Variants in CFAP20DC observed in about 807,000 individuals in gnomAD.
CFAP20DC encodes the protein protein CFAP20DC.
A neutral mutation model predicts 101.7 loss-of-function variants in CFAP20DC; 84 were observed. The ratio of observed to expected loss-of-function variants is 0.83; its 90% CI spans 0.69 to 0.99. The LOEUF is 0.99. Ranked by LOEUF, CFAP20DC falls within the 50% of genes least tolerant of loss-of-function variation. The pLI is 0.00. For missense variants in CFAP20DC, 1,007 were observed against 970.3 expected, an observed-to-expected ratio of 1.04 and a Z score of -0.50; for synonymous variants, 359 against 351.2, an observed-to-expected ratio of 1.02 and a Z score of -0.25.
intron 4 of CFAP20DC, among the ~76,000 whole-genome samples, chr3:58,960,058 T>C (rs544015450): frequency 6.6e-6 from 1 of 152,336 alleles, no homozygotes; most frequent in Non-Finnish European, 1.5e-5. Flanking sequence ...GGAGTTGGCA[T>C]AAAGTTGTTC....
downstream of CFAP20DC, chr3:58,737,306 A>T (rs561183460): frequency 2.4e-3 from 863 of 366,858 alleles, 1 homozygote; most frequent in South Asian, 5.7e-3. The surrounding 1 kb of genome is among the most constrained non-coding windows in gnomAD (Gnocchi z 4.1). Context: ...AATCTCTCTC[A>T]CACACACACA....
chr3:59,041,064 T>C (rs956973818), intron 3 of CFAP20DC, among the ~76,000 whole-genome samples: 11 of 152,208 alleles, frequency 7.2e-5, no homozygotes, highest in African/African-American at 2.6e-4. Context: ...CCAACTTAAA[T>C]AAACCATCCT....
intron 4 of CFAP20DC, among the ~76,000 whole-genome samples, chr3:58,999,843 TAAAAAA>T (rs565894929): frequency 1.3e-5 from 1 of 76,762 alleles, no homozygotes; most frequent in African/African-American, 4.4e-5. Context: ...GTCACTAATG[TAAAAAA>T]AAAAAAAAAA....
intron 4 of CFAP20DC, among the ~76,000 whole-genome samples, chr3:59,022,282 C>T (rs1349850295): frequency 5.9e-5 from 9 of 151,942 alleles, no homozygotes; most frequent in Non-Finnish European, 1.5e-5. Flanking sequence ...CTTTAGTCCT[C>T]GTTTTGCCAC....
At position 58,846,430 on chromosome 3, in the gene CFAP20DC, G is replaced by C. The variant is rs983603610; in HGVS notation, c.1971+2602C>G. On this transcript the variant is annotated intron_variant, in intron 13 of 16. Coordinates refer to ENST00000482387, the MANE Select transcript of CFAP20DC (RefSeq NM_001394063.1). The stretch of plus-strand genomic sequence containing the variant: ...CCATTCACAATTGCTTCAAAGAGAA[G>C]AAAATACCTAGGAATCCAACCTACA... Among the ~76,000 whole-genome samples the C allele has an allele frequency of 2.0e-5, 3 of 151,996 alleles. No individual in the cohort carries two copies. In the South Asian group the frequency reaches 6.2e-4, roughly 32 times the overall value.
At chr3:58,754,131 C>T (rs2107265633) in intron 15 of CFAP20DC, among the ~76,000 whole-genome samples, 1 of 152,250 alleles carries the variant, frequency 6.6e-6, no homozygotes, top group Admixed American at 6.5e-5. Flanking sequence ...TAAATTACAG[C>T]AGAGTTCTTT....
In CFAP20DC at chr3:58,799,897, T is replaced by A. The variant is rs1016657742; in HGVS notation, c.2237+6498A>T. ...AAGAAAGGGCCTCCTGAGGAGAGGA[T>A]GTTTATTTACGTGGAGACTCTACTG... On this transcript the variant is annotated intron_variant, in intron 15 of 16. Transcript: ENST00000482387. The surrounding 1 kb of genome is among the most constrained non-coding windows in gnomAD (Gnocchi z 4.9). Among the ~76,000 whole-genome samples, 13 of 152,104 alleles carry A rather than the reference T, an allele frequency of 8.5e-5. No individual in the cohort carries two copies. The highest frequency in any genetic ancestry group is 1.6e-4 in the Non-Finnish European group (11 of 68,012).
chr3:58,998,546 T>A (rs1175407189), intron 4 of CFAP20DC, among the ~76,000 whole-genome samples: 2 of 152,188 alleles, frequency 1.3e-5, no homozygotes, highest in Admixed American at 6.5e-5. Context: ...AATTTATACT[T>A]CACAATAATC....
intron 4 of CFAP20DC, among the ~76,000 whole-genome samples, chr3:59,035,559 A>T (rs1315821362): frequency 6.6e-6 from 1 of 152,196 alleles, no homozygotes; most frequent in Non-Finnish European, 1.5e-5. Context: ...AGAATACTAT[A>T]AACACTTCTA....
intron 15 of CFAP20DC, among the ~76,000 whole-genome samples, chr3:58,781,520 T>C (rs1289524080): frequency 6.6e-6 from 1 of 151,830 alleles, no homozygotes; most frequent in Non-Finnish European, 1.5e-5. Flanking sequence ...GTTGGCTTTT[T>C]GAAAGATAAA....
intron 4 of CFAP20DC, among the ~76,000 whole-genome samples, chr3:59,038,677 T>C (rs2094145578): frequency 6.6e-6 from 1 of 152,136 alleles, no homozygotes; most frequent in Non-Finnish European, 1.5e-5. Context: ...ATAGTGATCT[T>C]TCATGTTGTA....
At chr3:58,775,528 A>G (rs992755754) in intron 15 of CFAP20DC, among the ~76,000 whole-genome samples, 1 of 152,210 alleles carries the variant, frequency 6.6e-6, no homozygotes, top group African/African-American at 2.4e-5. Context: ...TCACCTAAAA[A>G]TAAATGGGAA....
intron 7 of CFAP20DC, among the ~76,000 whole-genome samples, chr3:58,871,390 G>A (rs996287316): frequency 2.6e-5 from 4 of 152,168 alleles, no homozygotes; most frequent in African/African-American, 9.7e-5. Context: ...TAGAGAGAAA[G>A]AGAGCAAAAC....
At chr3:58,759,466 T>C (rs982404490) in intron 15 of CFAP20DC, among the ~76,000 whole-genome samples, 5 of 152,236 alleles carry the variant, frequency 3.3e-5, no homozygotes, top group African/African-American at 1.2e-4. Context: ...TGCAAAAATT[T>C]TCTCCCATTT....
In CFAP20DC at chr3:58,806,451, G is replaced by A; in HGVS notation, c.2181C>T (p.Val727=). ...TTWNSCLPPP[V]NQGRHYQKEM... ...CTTTCTGATAGTGGCGACCCTGGTT[G>A]ACAGGCTGGAAAAGACAAAACATTT... Residue 727 remains valine, a synonymous_variant, in exon 15 of 17, where the codon GTC becomes GTT. Coordinates refer to ENST00000482387, the MANE Select transcript of CFAP20DC (RefSeq NM_001394063.1). 1 of 1,611,128 alleles carries A rather than the reference G, an allele frequency of 6.2e-7. No homozygotes were observed. The highest frequency in any genetic ancestry group is 8.5e-7 in the Non-Finnish European group (1 of 1,177,336).
At chr3:58,798,201 A>C (rs1379896991) in intron 15 of CFAP20DC, among the ~76,000 whole-genome samples, 2 of 152,184 alleles carry the variant, frequency 1.3e-5, no homozygotes, top group African/African-American at 4.8e-5. Flanking sequence ...AATCTGGGCA[A>C]AGTAAATTGA....
rs1575690593 is a variant in CFAP20DC at position 58,806,417 on chromosome 3, G to A, written c.2215C>T (p.Pro739Ser). The change falls in exon 15 of 17, where the codon CCA (proline) becomes TCA (serine). Residue 739 changes from proline to serine, a missense_variant. Coordinates refer to ENST00000482387, the MANE Select transcript of CFAP20DC (RefSeq NM_001394063.1). ...TACCGGGGATTAGAAGGAGAAGGTGGGTTCATTTCTTTCTGATAGTGGCGA... is the reference window on the plus strand; with the variant it reads ...TACCGGGGATTAGAAGGAGAAGGTGAGTTCATTTCTTTCTGATAGTGGCGA... ...QGRHYQKEMN[P>S]PSPSNPRDWL... The A allele has an allele frequency of 7.5e-6, 12 of 1,609,852 alleles. No individual in the cohort carries two copies. Among genetic ancestry groups the A allele is most frequent in the Non-Finnish European group, 1.0e-5 (12 of 1,176,188 alleles).
chr3:58,887,999 C>G (rs535505878), intron 6 of CFAP20DC, among the ~76,000 whole-genome samples: 1 of 152,244 alleles, frequency 6.6e-6, no homozygotes, highest in Admixed American at 6.5e-5. Context: ...GCTTTAGGAC[C>G]ATCTATTACC....
At chr3:58,822,687 A>G (rs1020556484) in intron 14 of CFAP20DC, among the ~76,000 whole-genome samples, 1 of 152,182 alleles carries the variant, frequency 6.6e-6, no homozygotes, top group Non-Finnish European at 1.5e-5. Context: ...AAACTTTTCA[A>G]ATAAAAACTG....
Sources: allele counts gnomAD v4.1 joint callset (sites outside exome capture counted in the v4.1 genomes callset), GRCh38; gene constraint gnomAD v4.1.1; non-coding constraint Gnocchi (gnomAD v3.1); transcripts MANE v1.5; gene names NCBI Gene and HGNC (gene_info 2026-07-23, HGNC 2026-07-21).